Variants in HMCN1 observed in about 807,000 individuals in gnomAD.
HMCN1 encodes the protein hemicentin 1.
In HMCN1, 321 loss-of-function variants were observed where a neutral mutation model predicts 625.9. The observed-to-expected ratio is 0.51, with a 90% CI of 0.47 to 0.56. HMCN1 has a LOEUF of 0.56. HMCN1 is among the 20% of genes least tolerant of loss of function. The pLI is 0.00. For synonymous variants in HMCN1, 2,425 were observed against 2,417.6 expected, an observed-to-expected ratio of 1.00 and a Z score of -0.09; for missense variants, 6,588 against 6,887.3, an observed-to-expected ratio of 0.96 and a Z score of 1.54.
At chr1:185,848,154 G>A (rs931282203) in intron 2 of HMCN1, among the ~76,000 whole-genome samples, 9 of 151,518 alleles carry the variant, frequency 5.9e-5, no homozygotes, top group Non-Finnish European at 1.3e-4. Context: ...CATTGTCTAT[G>A]TTCACTGCTA....
intron 1 of HMCN1, among the ~76,000 whole-genome samples, chr1:185,749,199 T>C (rs1654625894): frequency 6.6e-6 from 1 of 152,212 alleles, no homozygotes; most frequent in African/African-American, 2.4e-5. Context: ...TATGTTTCAG[T>C]GAGACTATAT....
chr1:185,917,454 G>T (rs1029294942), intron 6 of HMCN1, among the ~76,000 whole-genome samples: 1 of 152,098 alleles, frequency 6.6e-6, no homozygotes, highest in African/African-American at 2.4e-5. Context: ...CTGTTTCTTT[G>T]TAGTGCCATA....
chr1:185,794,543 G>A (rs1658233142), intron 1 of HMCN1, among the ~76,000 whole-genome samples: 1 of 149,944 alleles, frequency 6.7e-6, no homozygotes, highest in Non-Finnish European at 1.5e-5. Flanking sequence ...AGGGCAGGAA[G>A]CATCCAGTAC....
rs1290325138 is a variant in HMCN1 at position 186,054,002 on chromosome 1, G to T, written c.6862+16G>T. 2 of 1,610,572 alleles carry T rather than the reference G, an allele frequency of 1.2e-6. No homozygotes were observed. Among genetic ancestry groups the T allele is most frequent in the Non-Finnish European group, 1.7e-6 (2 of 1,178,368 alleles). On this transcript the variant is annotated intron_variant, in intron 44 of 106. Coordinates refer to ENST00000271588, the MANE Select transcript of HMCN1 (RefSeq NM_031935.3). The stretch of plus-strand genomic sequence containing the variant: ...CAAGTTTACAGTAAGTTGTTGATTA[G>T]CCAGGCTTTGGCAAAATGTTCTCTT...
intron 86 of HMCN1, among the ~76,000 whole-genome samples, chr1:186,135,259 A>G (rs995969161): frequency 1.1e-4 from 17 of 152,212 alleles, no homozygotes; most frequent in African/African-American, 4.1e-4. Flanking sequence ...GACACTGTTA[A>G]TATCTCCCTC....
At chr1:186,189,460 C>T in intron 106 of HMCN1, 52 bp from the exon 107 acceptor site, 3 of 1,602,680 alleles carry the variant, frequency 1.9e-6, no homozygotes, top group East Asian at 2.2e-5. Flanking sequence ...TATATCATGC[C>T]TCCTCCTACT....
chr1:186,152,788 G>C lies in HMCN1; in HGVS notation c.14935G>C (p.Asp4979His). 1.2e-6 allele frequency: 2 copies of C among 1,614,002 alleles called. No homozygotes were observed. Among genetic ancestry groups the C allele is most frequent in the Non-Finnish European group, 1.7e-6 (2 of 1,179,898 alleles). ...LQMSHIARGL[D>H]SDGSLLLDIV... The stretch of plus-strand genomic sequence containing the variant: ...GATGAGTCATATTGCCCGGGGCTTG[G>C]ATTCCGATGGTTCTTTGCTGCTAGA... Residue 4979 changes from aspartate (D) to histidine (H), a missense_variant, in exon 96 of 107, where the codon GAT (aspartate) becomes CAT (histidine). Asp to His is a moderately conservative substitution (Grantham distance 81). Around this residue, in one of 3 missense-constraint regions of HMCN1, gnomAD observed 1,954 missense variants for 2,013.1 expected, o/e 0.97. Coordinates refer to ENST00000271588, the MANE Select transcript of HMCN1 (RefSeq NM_031935.3).
At chr1:186,164,892 T>G (rs1241614054) in intron 97 of HMCN1, among the ~76,000 whole-genome samples, 1 of 152,364 alleles carries the variant, frequency 6.6e-6, no homozygotes, top group Middle Eastern at 3.4e-3. Flanking sequence ...ACGAAACCTG[T>G]TTCCAGTGGC....
intron 89 of HMCN1, among the ~76,000 whole-genome samples, chr1:186,141,309 T>C (rs955549834): frequency 6.6e-6 from 1 of 151,884 alleles, no homozygotes; most frequent in Admixed American, 6.6e-5. Context: ...TCATACACTG[T>C]CATTATTTAT....
chr1:186,056,785 C>G (rs1657349911), intron 45 of HMCN1, among the ~76,000 whole-genome samples: 1 of 151,810 alleles, frequency 6.6e-6, no homozygotes, highest in African/African-American at 2.4e-5. Flanking sequence ...AAAACTAACT[C>G]TTGGGTTCTA....
At chr1:186,117,717 A>C in intron 77 of HMCN1, 94 bp downstream of exon 77, 1 of 1,194,626 alleles carries the variant, frequency 8.4e-7, no homozygotes, top group Non-Finnish European at 1.2e-6. Context: ...ATAAAAGAAT[A>C]AAATATGCAT....
At chr1:185,809,643 TAGTA>T (rs1390962058) in intron 1 of HMCN1, among the ~76,000 whole-genome samples, 2 of 152,016 alleles carry the variant, frequency 1.3e-5, no homozygotes, top group South Asian at 2.1e-4. Flanking sequence ...CTGGAAATAA[TAGTA>T]AGTAGTATCT....
At chr1:185,803,596 A>T (rs1170629447) in intron 1 of HMCN1, among the ~76,000 whole-genome samples, 1 of 152,160 alleles carries the variant, frequency 6.6e-6, no homozygotes, top group African/African-American at 2.4e-5. Flanking sequence ...AATGGACAGA[A>T]AAGGATGAGG....
intron 30 of HMCN1, among the ~76,000 whole-genome samples, chr1:186,008,419 TG>T (rs1653778905): frequency 2.6e-5 from 4 of 152,138 alleles, no homozygotes; most frequent in African/African-American, 9.7e-5. Context: ...ATATCCAAAA[TG>T]TTATTTTGGA....
intron 5 of HMCN1, among the ~76,000 whole-genome samples, chr1:185,910,501 A>G (rs146370885): frequency 3.1e-4 from 47 of 152,046 alleles, no homozygotes; most frequent in African/African-American, 1.1e-3. Flanking sequence ...TTAAAAAGTC[A>G]CTGGGCATAC....
At chr1:186,086,782 A>G (rs1571330991) in intron 58 of HMCN1, among the ~76,000 whole-genome samples, 1 of 139,998 alleles carries the variant, frequency 7.1e-6, no homozygotes, top group African/African-American at 2.7e-5. Context: ...AGGTAGATAG[A>G]TAGATAGATA....
chr1:186,054,981 C>T (rs1657217286), intron 44 of HMCN1, among the ~76,000 whole-genome samples: 1 of 151,964 alleles, frequency 6.6e-6, no homozygotes, highest in Admixed American at 6.6e-5. Context: ...CTCAGTTTTT[C>T]CAACTCATAT....
intron 4 of HMCN1, among the ~76,000 whole-genome samples, chr1:185,893,282 A>G (rs1665255140): frequency 6.6e-6 from 1 of 152,204 alleles, no homozygotes; most frequent in Non-Finnish European, 1.5e-5. Context: ...TGCGTTGCTC[A>G]GGCTGGGAGC....
At position 186,095,508 on chromosome 1, in the gene HMCN1, C is replaced by T. The variant is rs1193193125; in HGVS notation, c.10560C>T (p.Ile3520=). The T allele has an allele frequency of 1.2e-6, 2 of 1,613,458 alleles. No homozygotes were observed. The highest frequency in any genetic ancestry group is 1.7e-6 in the Non-Finnish European group (2 of 1,179,650). ...CTGGAGAAGTCAGCAAGCACTTTAT[C>T]CTCAAGGTCCTAGGTATGTAAACAT... ...NEAGEVSKHF[I]LKVLEPPHIN... The change falls in exon 68 of 107, where the codon ATC becomes ATT. Residue 3520 remains isoleucine (I), a synonymous_variant. Transcript: ENST00000271588.
Sources: allele counts gnomAD v4.1 joint callset (sites outside exome capture counted in the v4.1 genomes callset), GRCh38; gene constraint gnomAD v4.1.1; regional missense constraint gnomAD v4.1.1; transcripts MANE v1.5; gene names NCBI Gene and HGNC (gene_info 2026-07-23, HGNC 2026-07-21).